Variants in RWDD2B observed in about 807,000 individuals in gnomAD.
RWDD2B encodes the protein RWD domain-containing protein 2B.
In RWDD2B, 36 loss-of-function variants were observed where a neutral mutation model predicts 33.6. That is an observed-to-expected ratio of 1.07 (90% confidence interval 0.82 to 1.42). The LOEUF (loss-of-function observed/expected upper bound fraction) is 1.42, where lower values mean the gene tolerates loss of function less well. Ranked by LOEUF, RWDD2B falls within the 40% of genes most tolerant of loss-of-function variation. The pLI, the probability that RWDD2B is intolerant of heterozygous loss-of-function variation, is 0.00. For synonymous variants in RWDD2B, 126 were observed against 133.1 expected (o/e 0.95, Z 0.37); for missense variants, 364 against 377.5 (o/e 0.96, Z 0.30).
At chr21:29,012,313 G>A (rs1363075774) in intron 1 of RWDD2B, among the ~76,000 whole-genome samples, 3 of 152,238 alleles carry the variant, frequency 2.0e-5, no homozygotes, top group South Asian at 2.1e-4. Flanking sequence ...TGACAATGGC[G>A]GTTTTGTGGA....
intron 1 of RWDD2B, among the ~76,000 whole-genome samples, chr21:29,012,331 G>C (rs942734596): frequency 6.6e-6 from 1 of 152,158 alleles, no homozygotes; most frequent in East Asian, 1.9e-4. Flanking sequence ...GGAATAGAAA[G>C]GGGGGAAAGG....
intron 1 of RWDD2B, among the ~76,000 whole-genome samples, chr21:29,010,385 T>G (rs1292735170): frequency 6.6e-6 from 1 of 150,940 alleles, no homozygotes; most frequent in African/African-American, 2.4e-5. Context: ...GGAGGGTGGA[T>G]AGCTTGAGTC....
At chr21:29,018,451 A>G (rs925584684) in intron 1 of RWDD2B, among the ~76,000 whole-genome samples, 1 of 152,176 alleles carries the variant, frequency 6.6e-6, no homozygotes, top group African/African-American at 2.4e-5. Flanking sequence ...ATTTGGAACT[A>G]TATATTTGTT....
chr21:29,005,362 G>GT lies in RWDD2B; in HGVS notation c.*1054dup, dbSNP rs1420748769. ...CTTCAGAAAAACTTCACCTATTTGT[G>GT]TATCAAAAGGCTGGGGTAAATGCAA... is the stretch of plus-strand genomic sequence containing the variant. On this transcript the variant is annotated 3_prime_UTR_variant, in exon 5 of 5. Coordinates refer to ENST00000493196, the MANE Select transcript of RWDD2B (RefSeq NM_016940.3). 1.3e-5 allele frequency: 2 copies of GT among 152,174 alleles called. No individual in the cohort carries two copies. Among genetic ancestry groups the GT allele is most frequent in the Non-Finnish European group, 2.9e-5 (2 of 68,030 alleles). The allele number at this position is 152,174 out of a possible 1,614,324, so 9.4% of individuals were successfully genotyped here.
At chr21:29,011,744 C>T (rs867063207) in intron 1 of RWDD2B, among the ~76,000 whole-genome samples, 300 of 132,466 alleles carry the variant, frequency 2.3e-3, no homozygotes, top group South Asian at 5.6e-3. Flanking sequence ...CCCGGCCAGC[C>T]GCCCCGTCCG....
In RWDD2B at chr21:29,008,225, G is replaced by A; in HGVS notation, c.362+15C>T. ...ATTTTGACCTCCAAAGTTGGCCAGA[G>A]CTTCTGTAACGTACCTGACAGTAAT... is the stretch of plus-strand genomic sequence containing the variant. On this transcript the variant is annotated intron_variant, in intron 3 of 4. Transcript: ENST00000493196. The A allele has an allele frequency of 6.2e-7, 1 of 1,613,906 alleles. No individual in the cohort carries two copies. Among genetic ancestry groups the A allele is most frequent in the Non-Finnish European group, 8.5e-7 (1 of 1,179,826 alleles).
At chr21:29,006,705 TA>T (rs1266213235) in intron 4 of RWDD2B, 54 bp from the exon 5 acceptor site, 2 of 1,038,906 alleles carry the variant, frequency 1.9e-6, no homozygotes, top group East Asian at 2.5e-5. Context: ...CTAGAGCATT[TA>T]AAACAGAAGT....
chr21:29,011,336 G>A (rs527245421), intron 1 of RWDD2B, among the ~76,000 whole-genome samples: 2 of 147,618 alleles, frequency 1.4e-5, no homozygotes, highest in Admixed American at 1.3e-4. Context: ...TCCGGGATGC[G>A]AGGAGCGTCT....
At position 29,005,300 on chromosome 21, in the gene RWDD2B, G is replaced by A. The variant is rs2084823053; in HGVS notation, c.*1117C>T. 1 of 152,178 alleles carries A rather than the reference G, an allele frequency of 6.6e-6. No homozygotes were observed. The highest frequency in any genetic ancestry group is 2.1e-4 in the South Asian group (1 of 4,838). 9.4% of individuals were successfully genotyped at this position (152,178 alleles called of 1,614,324 possible). ...AGGCAAGCCCAGGAGCAGGGGCAGA[G>A]CGTGAGTATACAAAAAGTGGGGAAC... is the stretch of plus-strand genomic sequence containing the variant. On this transcript the variant is annotated 3_prime_UTR_variant, in exon 5 of 5. Coordinates refer to ENST00000493196, the MANE Select transcript of RWDD2B (RefSeq NM_016940.3).
chr21:29,006,872 C>T (rs998098446), intron 4 of RWDD2B, among the ~76,000 whole-genome samples: 10 of 152,160 alleles, frequency 6.6e-5, no homozygotes, highest in African/African-American at 2.4e-4. Flanking sequence ...CCTCAGCCTC[C>T]CAAAGTGCTG....
chr21:29,016,868 G>T (rs1043738919), intron 1 of RWDD2B, among the ~76,000 whole-genome samples: 14 of 152,176 alleles, frequency 9.2e-5, no homozygotes, highest in Non-Finnish European at 2.9e-5. Flanking sequence ...ACTGGGATGA[G>T]AGGGTTGCTG....
At chr21:29,012,785 C>A (rs1048825562) in intron 1 of RWDD2B, among the ~76,000 whole-genome samples, 2 of 151,322 alleles carry the variant, frequency 1.3e-5, no homozygotes, top group Admixed American at 6.6e-5. Context: ...AAAAAAAAGT[C>A]TTCTATTTTC....
intron 1 of RWDD2B, among the ~76,000 whole-genome samples, chr21:29,018,111 G>C (rs965651532): frequency 3.3e-5 from 5 of 152,234 alleles, no homozygotes; most frequent in Non-Finnish European, 7.3e-5. Flanking sequence ...TAACTAGGGA[G>C]AGATGATGGT....
At chr21:29,014,192 ATG>A (rs1208458194) in intron 1 of RWDD2B, among the ~76,000 whole-genome samples, 1 of 152,204 alleles carries the variant, frequency 6.6e-6, no homozygotes, top group Non-Finnish European at 1.5e-5. Flanking sequence ...GCAAGAGAGA[ATG>A]AGAGCAAGTG....
At chr21:29,012,886 A>AT (rs200140207) in intron 1 of RWDD2B, among the ~76,000 whole-genome samples, 27 of 149,388 alleles carry the variant, frequency 1.8e-4, no homozygotes, top group Non-Finnish European at 2.8e-4. Flanking sequence ...TTTCCAGCTT[A>AT]TTTTTTTTTT....
chr21:29,015,879 G>T (rs889229539), intron 1 of RWDD2B, among the ~76,000 whole-genome samples: 2 of 152,098 alleles, frequency 1.3e-5, no homozygotes, highest in African/African-American at 2.4e-5. Context: ...CTAATTAGGC[G>T]AGAGACTATA....
In RWDD2B at chr21:29,006,629, T is replaced by C. The variant is rs370495956; in HGVS notation, c.748A>G (p.Arg250Gly). ...TCTTCTCGATGGCGAATTAAAATTCTCTTCCAGTTTAATTTTCTGAGTCTG... is the reference window on the plus strand; with the variant it reads ...TCTTCTCGATGGCGAATTAAAATTCCCTTCCAGTTTAATTTTCTGAGTCTG... ...WSRLRKLNWK[R>G]ILIRHREDIP... Residue 250 changes from arginine to glycine, a missense_variant, in exon 5 of 5, where the codon AGA (arginine) becomes GGA (glycine). By Grantham distance (125) the Arg-to-Gly change is moderately radical. Coordinates refer to ENST00000493196, the MANE Select transcript of RWDD2B (RefSeq NM_016940.3). 6.2e-7 allele frequency: 1 copy of C among 1,604,416 alleles called. No individual in the cohort carries two copies. The highest frequency in any genetic ancestry group is 1.3e-5 in the African/African-American group (1 of 74,338).
intron 1 of RWDD2B, among the ~76,000 whole-genome samples, chr21:29,011,242 C>T (rs2146337289): frequency 6.6e-6 from 1 of 151,990 alleles, no homozygotes; most frequent in East Asian, 1.9e-4. Flanking sequence ...TTCCCAGCCG[C>T]CATCCCATGT....
At chr21:29,013,823 C>G (rs966955844) in intron 1 of RWDD2B, among the ~76,000 whole-genome samples, 4 of 151,982 alleles carry the variant, frequency 2.6e-5, no homozygotes, top group African/African-American at 9.7e-5. Flanking sequence ...ATACTACTGC[C>G]AAGCAAGATC....
Sources: allele counts gnomAD v4.1 joint callset (sites outside exome capture counted in the v4.1 genomes callset), GRCh38; gene constraint gnomAD v4.1.1; transcripts MANE v1.5; gene names NCBI Gene and HGNC (gene_info 2026-07-23, HGNC 2026-07-21).